The following NAALADL2 variants were observed in gnomAD, a reference collection of about 807,000 sequenced individuals.
NAALADL2 encodes the protein inactive N-acetylated-alpha-linked acidic dipeptidase-like protein 2.
A neutral mutation model predicts 87.2 loss-of-function variants in NAALADL2; 76 were observed. The ratio of observed to expected loss-of-function variants is 0.87; its 90% CI spans 0.72 to 1.05. The LOEUF (loss-of-function observed/expected upper bound fraction) is 1.05, where lower values mean the gene tolerates loss of function less well. NAALADL2 is among the 50% of genes least tolerant of loss of function. The pLI, the probability that NAALADL2 is intolerant of heterozygous loss-of-function variation, is 0.00. For missense variants in NAALADL2, 1,089 were observed against 945.8 expected (o/e 1.15, Z -1.99); for synonymous variants, 354 against 331.0 (o/e 1.07, Z -0.75).
At chr3:175,114,278 A>G (rs1258974311) in intron 2 of NAALADL2, among the ~76,000 whole-genome samples, 2 of 151,650 alleles carry the variant, frequency 1.3e-5, no homozygotes, top group Non-Finnish European at 3.0e-5. Flanking sequence ...TGGATGTGGC[A>G]GTATTGATTG....
intron 5 of NAALADL2, among the ~76,000 whole-genome samples, chr3:175,338,171 G>A (rs1762188144): frequency 6.6e-6 from 1 of 152,130 alleles, no homozygotes; most frequent in Non-Finnish European, 1.5e-5. Flanking sequence ...AGGAGGAAGA[G>A]ATTTATTTTA....
At chr3:175,263,984 T>G (rs1397038034) in intron 4 of NAALADL2, among the ~76,000 whole-genome samples, 1 of 151,880 alleles carries the variant, frequency 6.6e-6, no homozygotes, top group Non-Finnish European at 1.5e-5. Flanking sequence ...CTTTCACATT[T>G]CAGCTTTTCC....
intron 5 of NAALADL2, among the ~76,000 whole-genome samples, chr3:175,342,524 G>A (rs1762672293): frequency 6.6e-6 from 1 of 151,916 alleles, no homozygotes; most frequent in South Asian, 2.1e-4. Flanking sequence ...GTGTGTGTGT[G>A]TGTGTGTGTA....
intron 2 of NAALADL2, among the ~76,000 whole-genome samples, chr3:174,569,965 A>G (rs1714734341): frequency 6.6e-6 from 1 of 151,842 alleles, no homozygotes; most frequent in African/African-American, 2.4e-5. Context: ...CAACTGTGGT[A>G]CTCTCTCCTG....
rs181933988 is a variant in NAALADL2, at chr3:174,874,551, C to A, written c.43+15101C>A. On this transcript the variant is annotated intron_variant, in intron 1 of 13. Transcript: ENST00000454872. The stretch of plus-strand genomic sequence containing the variant: ...GTGACATGTCATGGCAAGTATTGGC[C>A]TCAAGAGATTATACTTGGGGCTCTA... Among the ~76,000 whole-genome samples the A allele has an allele frequency of 2.0e-5, 3 of 152,078 alleles. No individual in the cohort carries two copies. In the East Asian group the frequency reaches 5.8e-4, roughly 30 times the overall value.
At chr3:175,049,707 C>A (rs1273675963) in intron 1 of NAALADL2, among the ~76,000 whole-genome samples, 2 of 152,192 alleles carry the variant, frequency 1.3e-5, no homozygotes, top group Admixed American at 1.3e-4. Flanking sequence ...TAGCTGACTT[C>A]TCTCTGTACC....
chr3:175,651,185 G>C (rs1355591630), intron 11 of NAALADL2, among the ~76,000 whole-genome samples: 1 of 151,740 alleles, frequency 6.6e-6, no homozygotes, highest in Non-Finnish European at 1.5e-5. Flanking sequence ...TTGCTTAATG[G>C]GATTTCTCTG....
chr3:175,037,965 G>A (rs920451572), intron 1 of NAALADL2, among the ~76,000 whole-genome samples: 4 of 152,096 alleles, frequency 2.6e-5, no homozygotes, highest in African/African-American at 9.7e-5. Context: ...TTAAAAAGCC[G>A]AAGTAAAGAC....
intron 10 of NAALADL2, among the ~76,000 whole-genome samples, chr3:175,594,382 T>C (rs565026371): frequency 1.3e-5 from 2 of 152,324 alleles, no homozygotes; most frequent in Admixed American, 1.3e-4. Flanking sequence ...CCACATTTTC[T>C]ATTCAGTCCA....
chr3:174,839,545 G>A (rs944709106), intron 3 of NAALADL2, among the ~76,000 whole-genome samples: 2 of 152,110 alleles, frequency 1.3e-5, no homozygotes, highest in Non-Finnish European at 2.9e-5. Context: ...ACAGTCAGCA[G>A]AGTAACCAGA....
chr3:175,128,376 AT>A (rs1365293922), intron 2 of NAALADL2, among the ~76,000 whole-genome samples: 1 of 152,204 alleles, frequency 6.6e-6, no homozygotes, highest in African/African-American at 2.4e-5. Flanking sequence ...TTTGTAATAA[AT>A]GATTTAATTT....
intron 1 of NAALADL2, among the ~76,000 whole-genome samples, chr3:175,093,811 G>GT (rs1237189347): frequency 6.6e-6 from 1 of 151,868 alleles, no homozygotes; most frequent in African/African-American, 2.4e-5. Flanking sequence ...TCCAAAAGTG[G>GT]TAGTAAGGGT....
chr3:174,888,477 A>C (rs1264225975), intron 1 of NAALADL2, among the ~76,000 whole-genome samples: 3 of 152,204 alleles, frequency 2.0e-5, no homozygotes, highest in African/African-American at 7.2e-5. Flanking sequence ...AAGTTGATCA[A>C]ATACTTTCCA....
chr3:175,540,992 C>T (rs898800622), intron 9 of NAALADL2, among the ~76,000 whole-genome samples: 2 of 152,012 alleles, frequency 1.3e-5, no homozygotes, highest in Admixed American at 6.6e-5. Flanking sequence ...AGTATAAATG[C>T]CATGAAGAAA....
chr3:175,779,685 A>T (rs971781665), intron 13 of NAALADL2, among the ~76,000 whole-genome samples: 3 of 152,206 alleles, frequency 2.0e-5, no homozygotes, highest in Non-Finnish European at 4.4e-5. Context: ...ATACAATGAA[A>T]ATTAAGGTTT....
intron 2 of NAALADL2, among the ~76,000 whole-genome samples, chr3:174,568,273 AT>A (rs1456943555): frequency 6.6e-6 from 1 of 151,852 alleles, no homozygotes; most frequent in Non-Finnish European, 1.5e-5. Context: ...AAAGATCACC[AT>A]TACAGGTGAT....
chr3:175,752,132 T>A (rs187135841), intron 12 of NAALADL2, among the ~76,000 whole-genome samples: 2 of 152,214 alleles, frequency 1.3e-5, no homozygotes, highest in East Asian at 1.9e-4. Context: ...AATAAATGAC[T>A]ACCATAAAAC....
At chr3:174,733,590 G>A (rs1384724958) in intron 2 of NAALADL2, among the ~76,000 whole-genome samples, 1 of 152,330 alleles carries the variant, frequency 6.6e-6, no homozygotes, top group East Asian at 1.9e-4. Flanking sequence ...TTGTGAACAT[G>A]TCTCTGCCTT....
At chr3:174,963,442 T>C (rs1440452323) in intron 1 of NAALADL2, among the ~76,000 whole-genome samples, 1 of 152,104 alleles carries the variant, frequency 6.6e-6, no homozygotes, top group Non-Finnish European at 1.5e-5. Flanking sequence ...TAGAAAAACA[T>C]TGAAAAATTA....
Sources: gnomAD v4.1 joint callset for allele counts (sites outside exome capture counted in the v4.1 genomes callset) on GRCh38, gnomAD v4.1.1 for gene constraint, MANE v1.5 for transcripts, NCBI Gene and HGNC (gene_info 2026-07-23, HGNC 2026-07-21) for gene names.